Variants in EPHA4 observed in about 807,000 individuals in gnomAD.
EPHA4 encodes EPH receptor A4, also known as ephrin type-A receptor 4.
A neutral mutation model predicts 108.3 loss-of-function variants in EPHA4; 19 were observed. The observed-to-expected ratio is 0.18, with a 90% CI of 0.12 to 0.26. The LOEUF (loss-of-function observed/expected upper bound fraction) is 0.26, where lower values mean the gene tolerates loss of function less well. Ranked by LOEUF, EPHA4 falls within the 10% of genes least tolerant of loss-of-function variation. The pLI, the probability that EPHA4 is intolerant of heterozygous loss-of-function variation, is 1.00. For synonymous variants in EPHA4, 449 were observed against 455.5 expected (o/e 0.99, Z 0.18); for missense variants, 917 against 1,254.0 (o/e 0.73, Z 4.06).
chr2:221,477,511 T>C (rs919963975), intron 5 of EPHA4, among the ~76,000 whole-genome samples: 32 of 152,316 alleles, frequency 2.1e-4, no homozygotes, highest in African/African-American at 7.0e-4. Flanking sequence ...ACCCACTAGA[T>C]GCAACTGCAC....
rs374103505 is a variant in EPHA4, at chr2:221,436,364, A to T, written c.2346+35T>A. 3 of 1,587,926 alleles carry T rather than the reference A, an allele frequency of 1.9e-6. No individual in the cohort carries two copies. In the African/African-American group the frequency reaches 4.0e-5, roughly 21 times the overall value. On this transcript the variant is annotated intron_variant, in intron 13 of 17. Coordinates refer to ENST00000281821, the MANE Select transcript of EPHA4 (RefSeq NM_004438.5). The stretch of plus-strand genomic sequence containing the variant: ...GTGAGAAGAGAGGAACAGTTTCACC[A>T]GAGTGAAAGCCCAGATGTCACCGAT...
chr2:221,568,285 G>C (rs1434557868), intron 2 of EPHA4, among the ~76,000 whole-genome samples: 2 of 152,148 alleles, frequency 1.3e-5, no homozygotes, highest in Non-Finnish European at 1.5e-5. Flanking sequence ...GTTCATGCAG[G>C]TACAATTAGA....
chr2:221,456,485 T>C (rs1690955395), intron 7 of EPHA4, 128 bp downstream of exon 7: 2 of 852,936 alleles, frequency 2.3e-6, no homozygotes, highest in East Asian at 2.7e-5. Context: ...TTTCAAGACA[T>C]ATTCATTGCA....
intron 3 of EPHA4, among the ~76,000 whole-genome samples, chr2:221,515,012 T>C (rs1365749898): frequency 6.6e-6 from 1 of 152,204 alleles, no homozygotes; most frequent in East Asian, 1.9e-4. Context: ...AGCAGATCTC[T>C]AGACCAACAT....
rs773197038 is a variant in EPHA4, at chr2:221,572,281, T to C, written c.-33A>G. 2.6e-6 allele frequency: 4 copies of C among 1,559,552 alleles called. No homozygotes were observed. Among genetic ancestry groups the C allele is most frequent in the African/African-American group, 2.7e-5 (2 of 73,820 alleles). ...CGGTGCCAACGCTGCTCCTGCCGCT[T>C]CTATCCCAGTGGAATAAATGCTTAA... is the stretch of plus-strand genomic sequence containing the variant. On this transcript the variant is annotated 5_prime_UTR_variant, in exon 1 of 18. Transcript: ENST00000281821.
chr2:221,443,085 C>T (rs1229143349), intron 10 of EPHA4, 71 bp from the exon 11 acceptor site: 7 of 1,485,066 alleles, frequency 4.7e-6, no homozygotes, highest in Non-Finnish European at 6.4e-6. Context: ...AGCTAACATT[C>T]CTTGAGTGCT....
At chr2:221,554,584 A>C (rs1181205226) in intron 3 of EPHA4, among the ~76,000 whole-genome samples, 1 of 152,146 alleles carries the variant, frequency 6.6e-6, no homozygotes, top group Non-Finnish European at 1.5e-5. Flanking sequence ...GGGAGTGGGG[A>C]GGAGGGAGAC....
At chr2:221,424,309 T>C (rs1451535162) in intron 17 of EPHA4, among the ~76,000 whole-genome samples, 3 of 152,190 alleles carry the variant, frequency 2.0e-5, no homozygotes, top group East Asian at 1.9e-4. Flanking sequence ...GAAAAGCTTT[T>C]ACAACTTATG....
intron 4 of EPHA4, among the ~76,000 whole-genome samples, chr2:221,485,925 G>A (rs1691961440): frequency 6.6e-6 from 1 of 152,112 alleles, no homozygotes; most frequent in Non-Finnish European, 1.5e-5. Flanking sequence ...GAGAAAACTG[G>A]TATTCTGAGT....
intron 3 of EPHA4, among the ~76,000 whole-genome samples, chr2:221,548,918 G>A (rs1694082126): frequency 6.6e-6 from 1 of 152,130 alleles, no homozygotes; most frequent in Non-Finnish European, 1.5e-5. Context: ...CAAAATGACT[G>A]AGGACGACAC....
intron 5 of EPHA4, among the ~76,000 whole-genome samples, chr2:221,468,006 C>G (rs1691363295): frequency 1.3e-5 from 2 of 152,132 alleles, no homozygotes; most frequent in South Asian, 2.1e-4. Flanking sequence ...TGGGGTGAAA[C>G]TAGCAACAAC....
rs1694671186 is a variant in EPHA4, at chr2:221,566,927, AGAAGG to A, written c.159+1786_159+1790del. 7.4e-5 allele frequency among the ~76,000 whole-genome samples: 4 copies of A among 54,040 alleles called. 1 individual carries two copies. The highest frequency in any genetic ancestry group is 4.5e-4 in the African/African-American group (4 of 8,836). The allele number at this position is 54,040 out of a possible 152,430, so 35.5% of individuals were successfully genotyped here. A position where few individuals can be genotyped will look rare whatever the true frequency, so the allele number is the denominator to read the frequency against. Reference sequence around the variant, plus strand: ...GAGAAGGAGAAGGAGAAGGAGAAGGAGAAGGAGAAGGAGAAGGAGAAGGAGAAGGG... The same window carrying A: ...GAGAAGGAGAAGGAGAAGGAGAAGGAAGAAGGAGAAGGAGAAGGAGAAGGG... On this transcript the variant is annotated intron_variant, in intron 2 of 17. Coordinates refer to ENST00000281821, the MANE Select transcript of EPHA4 (RefSeq NM_004438.5).
intron 13 of EPHA4, among the ~76,000 whole-genome samples, chr2:221,435,115 G>T (rs1008985220): frequency 4.6e-5 from 7 of 152,058 alleles, no homozygotes; most frequent in Admixed American, 4.6e-4. Flanking sequence ...CATTTAAAAG[G>T]TTTCTTTGCT....
chr2:221,503,079 A>G (rs1692526704), intron 3 of EPHA4, among the ~76,000 whole-genome samples: 1 of 152,338 alleles, frequency 6.6e-6, no homozygotes, highest in Admixed American at 6.5e-5. Context: ...GCTTTCTCAC[A>G]TCAAACACAA....
intron 4 of EPHA4, among the ~76,000 whole-genome samples, chr2:221,497,617 A>G (rs921236101): frequency 1.3e-5 from 2 of 152,020 alleles, no homozygotes; most frequent in Non-Finnish European, 2.9e-5. Flanking sequence ...GGGCGCCTGT[A>G]GTCCCAGCTA....
chr2:221,454,913 A>T (rs947763875), intron 8 of EPHA4, among the ~76,000 whole-genome samples: 4 of 152,124 alleles, frequency 2.6e-5, no homozygotes, highest in African/African-American at 9.7e-5. Flanking sequence ...TGCTCAAGGG[A>T]TAATCTCTAG....
At chr2:221,570,632 G>C (rs1268053606) in intron 1 of EPHA4, among the ~76,000 whole-genome samples, 10 of 151,928 alleles carry the variant, frequency 6.6e-5, no homozygotes, top group Admixed American at 6.6e-4. Context: ...GGAGGGCTCC[G>C]GGTACCGGCT....
At chr2:221,545,218 TGGGCGGATCACGAGGTC>T (rs1693956070) in intron 3 of EPHA4, among the ~76,000 whole-genome samples, 2 of 22,604 alleles carry the variant, frequency 8.8e-5, no homozygotes, top group South Asian at 5.9e-4. Flanking sequence ...GAGACCGAGG[TGGGCGGATCACGAGGTC>T]GAGGTGGGCG....
chr2:221,499,820 C>T (rs1480203586), intron 4 of EPHA4, among the ~76,000 whole-genome samples: 6 of 126,300 alleles, frequency 4.8e-5, no homozygotes, highest in Non-Finnish European at 6.3e-5. Flanking sequence ...TGTAATGGTG[C>T]GATCTCGCCT....
Sources: gnomAD v4.1 joint callset for allele counts (sites outside exome capture counted in the v4.1 genomes callset) on GRCh38, gnomAD v4.1.1 for gene constraint, MANE v1.5 for transcripts, NCBI Gene and HGNC (gene_info 2026-07-23, HGNC 2026-07-21) for gene names.